The following SVOPL variants were observed in gnomAD, a reference collection of about 807,000 sequenced individuals.
The protein encoded by SVOPL is putative transporter SVOPL.
SVOPL carries 60 observed loss-of-function variants against 61.0 expected under a neutral mutation model. The observed-to-expected ratio is 0.98, with a 90% CI of 0.80 to 1.22. SVOPL has a LOEUF of 1.22. Among genes scored for constraint, SVOPL ranks in the 50% most tolerant of loss-of-function variants. SVOPL has a pLI of 0.00. For synonymous variants in SVOPL, 279 were observed against 250.0 expected (o/e 1.12, Z -1.09); for missense variants, 662 against 643.9 (o/e 1.03, Z -0.30).
intron 9 of SVOPL, among the ~76,000 whole-genome samples, chr7:138,644,118 T>A (rs1212448374): frequency 3.4e-5 from 5 of 145,758 alleles, no homozygotes; most frequent in Non-Finnish European, 7.4e-5. Context: ...GGAGAATCAC[T>A]TGAACCCGGG....
chr7:138,622,705 T>G (rs1235863927), intron 13 of SVOPL, among the ~76,000 whole-genome samples: 1 of 148,810 alleles, frequency 6.7e-6, no homozygotes, highest in Non-Finnish European at 1.5e-5. Flanking sequence ...CAGGTGATCT[T>G]CCTGCCTCAG....
At chr7:138,633,118 G>C (rs529207474) in intron 9 of SVOPL, among the ~76,000 whole-genome samples, 4 of 152,328 alleles carry the variant, frequency 2.6e-5, no homozygotes, top group African/African-American at 9.6e-5. Context: ...GAAGAAGTGA[G>C]CTGACGCTGT....
At chr7:138,685,052 C>G (rs1263097634) in intron 1 of SVOPL, among the ~76,000 whole-genome samples, 1 of 151,902 alleles carries the variant, frequency 6.6e-6, no homozygotes, top group African/African-American at 2.4e-5. Context: ...CCTGCCTCAG[C>G]CTCCCAACTA....
chr7:138,621,039 G>A lies in SVOPL; in HGVS notation c.1353+7C>T, dbSNP rs1403793178. ...TCTCTCTCTCCCTGCAGGGTCCTTG[G>A]CTGTACCTGGGATATAAATGGTGCC... On this transcript the variant is annotated splice_region_variant and intron_variant, in intron 14 of 15. Coordinates refer to ENST00000674285, the MANE Select transcript of SVOPL (RefSeq NM_001139456.2). The A allele has an allele frequency of 3.1e-6, 5 of 1,612,920 alleles. No homozygotes were observed. In the East Asian group the frequency reaches 1.1e-4, roughly 36 times the overall value.
chr7:138,699,912 G>T (rs148290054), intron 1 of SVOPL, among the ~76,000 whole-genome samples: 1 of 152,166 alleles, frequency 6.6e-6, no homozygotes, highest in South Asian at 2.1e-4. Context: ...TTTGCCAAGA[G>T]GGGGAAGAAA....
intron 9 of SVOPL, among the ~76,000 whole-genome samples, chr7:138,639,901 C>G (rs753904846): frequency 7.5e-6 from 1 of 132,568 alleles, no homozygotes; most frequent in Non-Finnish European, 1.6e-5. Flanking sequence ...TACAGGTGTG[C>G]GCCACTATGC....
intron 1 of SVOPL, among the ~76,000 whole-genome samples, chr7:138,688,321 G>C (rs1032406427): frequency 2.6e-5 from 4 of 151,824 alleles, no homozygotes; most frequent in African/African-American, 9.7e-5. Context: ...CCAAGCTGGA[G>C]TGCAGTGGCA....
chr7:138,627,543 G>A, intron 11 of SVOPL, 82 bp from the exon 12 acceptor site: 2 of 1,055,302 alleles, frequency 1.9e-6, no homozygotes, highest in Non-Finnish European at 2.8e-6. Flanking sequence ...ATTCATCCTT[G>A]TCGTTTCAGA....
At chr7:138,685,027 G>A (rs1446204617) in intron 1 of SVOPL, among the ~76,000 whole-genome samples, 1 of 151,602 alleles carries the variant, frequency 6.6e-6, no homozygotes, top group Non-Finnish European at 1.5e-5. Context: ...CCACCTCCTG[G>A]GTTCAAGCGA....
intron 8 of SVOPL, among the ~76,000 whole-genome samples, chr7:138,646,807 C>A (rs1395001376): frequency 6.6e-6 from 1 of 152,196 alleles, no homozygotes; most frequent in African/African-American, 2.4e-5. Context: ...ACATGAGCCA[C>A]CATGTCTGGC....
chr7:138,638,771 C>T (rs1631216), intron 9 of SVOPL, among the ~76,000 whole-genome samples: 120,372 of 152,110 alleles, frequency 0.79, 47,813 homozygotes, highest in Middle Eastern at 0.89. Flanking sequence ...ATGTGTGTTT[C>T]CAATAGCTAA....
At chr7:138,673,191 T>C (rs1802474227) in intron 3 of SVOPL, among the ~76,000 whole-genome samples, 1 of 152,138 alleles carries the variant, frequency 6.6e-6, no homozygotes, top group African/African-American at 2.4e-5. Context: ...TTGTATGACT[T>C]GGAGGTCTGG....
chr7:138,678,882 C>G (rs914609781), intron 2 of SVOPL, 82 bp downstream of exon 2: 8 of 1,410,714 alleles, frequency 5.7e-6, no homozygotes, highest in Non-Finnish European at 6.8e-6. Context: ...TTCTTTTGAC[C>G]TCACCTTTTT....
intron 15 of SVOPL, 49 bp downstream of exon 15, chr7:138,596,367 TG>T (rs774211487): frequency 1.0e-4 from 158 of 1,544,950 alleles, no homozygotes; most frequent in Non-Finnish European, 1.4e-4. Context: ...TCATTTGCTC[TG>T]GGCAAAAGTG....
rs542883378 is a variant in SVOPL, at chr7:138,650,655, A to AT, written c.535-1519dup. Among the ~76,000 whole-genome samples the AT allele has an allele frequency of 5.3e-3, 741 of 139,962 alleles. 10 individuals carry two copies. The highest frequency in any genetic ancestry group is 0.019 in the African/African-American group (690 of 37,044). The allele number at this position is 139,962 out of a possible 152,430, so 91.8% of individuals were successfully genotyped here. A position where few individuals can be genotyped will look rare whatever the true frequency, so the allele number is the denominator to read the frequency against. ...CAAGACTCCATCTCCACAAAAAAAA[A>AT]TTTAAAAATTCACTAGGCACCATGA... On this transcript the variant is annotated intron_variant, in intron 7 of 15. Coordinates refer to ENST00000674285, the MANE Select transcript of SVOPL (RefSeq NM_001139456.2).
At chr7:138,613,511 C>T (rs1157101042) in intron 14 of SVOPL, among the ~76,000 whole-genome samples, 1 of 152,044 alleles carries the variant, frequency 6.6e-6, no homozygotes, top group African/African-American at 2.4e-5. Flanking sequence ...TGATGTCTGT[C>T]CCACCTCGAG....
intron 1 of SVOPL, among the ~76,000 whole-genome samples, chr7:138,695,853 G>A (rs530033696): frequency 7.2e-5 from 11 of 152,086 alleles, no homozygotes; most frequent in African/African-American, 9.6e-5. Context: ...GCGTGATCTC[G>A]GCTCACTGAG....
intron 5 of SVOPL, chr7:138,661,335 T>A (rs1387293868): frequency 2.0e-6 from 2 of 985,266 alleles, no homozygotes; most frequent in African/African-American, 3.5e-5. Flanking sequence ...GCTGCTTATG[T>A]TTATACCTGC....
intron 9 of SVOPL, among the ~76,000 whole-genome samples, chr7:138,632,342 G>A (rs1800244211): frequency 6.6e-6 from 1 of 152,230 alleles, no homozygotes; most frequent in Non-Finnish European, 1.5e-5. Context: ...GCTGAGGCAG[G>A]AGACTCGCTT....
Sources: gnomAD v4.1 joint callset for allele counts (sites outside exome capture counted in the v4.1 genomes callset) on GRCh38, gnomAD v4.1.1 for gene constraint, MANE v1.5 for transcripts, NCBI Gene and HGNC (gene_info 2026-07-23, HGNC 2026-07-21) for gene names.